The following KNDC1 variants were observed in gnomAD, a reference collection of about 807,000 sequenced individuals.
KNDC1 encodes the protein kinase non-catalytic C-lobe domain containing 1.
Under a neutral mutation model 172.8 loss-of-function variants are expected in KNDC1, and 106 were observed. The observed-to-expected ratio is 0.61, with a 90% CI of 0.52 to 0.72. The LOEUF (loss-of-function observed/expected upper bound fraction) is 0.72. Among genes scored for constraint, KNDC1 ranks in the 30% least tolerant of loss-of-function variants. KNDC1 has a pLI of 0.00. For synonymous variants in KNDC1, 1,083 were observed against 1,062.2 expected, an observed-to-expected ratio of 1.02 and a Z score of -0.38; for missense variants, 2,325 against 2,394.5, an observed-to-expected ratio of 0.97 and a Z score of 0.61.
chr10:133,184,116 A>G (rs566233287), intron 5 of KNDC1, 127 bp downstream of exon 5: 55 of 522,558 alleles, frequency 1.1e-4, no homozygotes, highest in African/African-American at 1.0e-3. Flanking sequence ...CATACTGCAC[A>G]CACACCCATG....
In KNDC1 at chr10:133,186,041, G is replaced by A. The variant is rs1293826469; in HGVS notation, c.693G>A (p.Gly231=). ...PGNAGPRRPP[G]DPSTDPEVLP... Reference sequence around the variant, plus strand: ...ACGCTGGGCCCAGGAGGCCGCCCGGGGACCCCAGCACTGACCCGGAGGTTC... The same window carrying A: ...ACGCTGGGCCCAGGAGGCCGCCCGGAGACCCCAGCACTGACCCGGAGGTTC... Residue 231 remains glycine, a synonymous_variant, in exon 6 of 30, where the codon GGG becomes GGA. Transcript: ENST00000304613. 6.2e-7 allele frequency: 1 copy of A among 1,601,206 alleles called. No homozygotes were observed. The highest frequency in any genetic ancestry group is 8.5e-7 in the Non-Finnish European group (1 of 1,175,304).
Position 133,186,202 on chromosome 10 carries a change from C to A in KNDC1, c.854C>A (p.Ala285Asp). Reference protein sequence around the residue: ...REGLAGLVLDAERTLGELDRD... With the variant: ...REGLAGLVLDDERTLGELDRD... Reference sequence around the variant, plus strand: ...GGGCTGGCCGGCCTCGTCCTGGATGCCGAGCGCACCCTCGGGGAGCTGGAC... The same window carrying A: ...GGGCTGGCCGGCCTCGTCCTGGATGACGAGCGCACCCTCGGGGAGCTGGAC... The change falls in exon 6 of 30, where the codon GCC (alanine) becomes GAC (aspartate). Residue 285 changes from alanine (A) to aspartate (D), a missense_variant. Coordinates refer to ENST00000304613, the MANE Select transcript of KNDC1 (RefSeq NM_152643.8). 6.4e-7 allele frequency: 1 copy of A among 1,570,512 alleles called. No individual in the cohort carries two copies. Among genetic ancestry groups the A allele is most frequent in the Non-Finnish European group, 8.6e-7 (1 of 1,158,664 alleles).
In KNDC1 at chr10:133,224,764, C is replaced by G. The variant is rs1845686940; in HGVS notation, c.5124C>G (p.Arg1708=). The change falls in exon 30 of 30, where the codon CGC becomes CGG. Residue 1708 remains arginine, a synonymous_variant. Coordinates refer to ENST00000304613, the MANE Select transcript of KNDC1 (RefSeq NM_152643.8). The surrounding 1 kb of genome is among the most constrained non-coding windows in gnomAD (Gnocchi z 5.4). The stretch of plus-strand genomic sequence containing the variant: ...CGTACCTCAAGCAGAGGATTGCCCG[C>G]TTCAGCGGTGCCGACATTTCCACAC... ...LQSYLKQRIA[R]FSGADISTLA... The G allele has an allele frequency of 6.2e-7, 1 of 1,614,004 alleles. No homozygotes were observed. Among genetic ancestry groups the G allele is most frequent in the Non-Finnish European group, 8.5e-7 (1 of 1,180,030 alleles).
intron 1 of KNDC1, among the ~76,000 whole-genome samples, chr10:133,164,614 A>G (rs1166514199): frequency 6.6e-6 from 1 of 152,210 alleles, no homozygotes; most frequent in Non-Finnish European, 1.5e-5. Context: ...GCAGCCCCGC[A>G]GCCCGGCTGG....
rs572005686 is a variant in KNDC1, at chr10:133,163,331, G to A, written c.102+2762G>A. Among the ~76,000 whole-genome samples, 71 of 152,262 alleles carry A rather than the reference G, an allele frequency of 4.7e-4. No homozygotes were observed. The highest frequency in any genetic ancestry group is 1.5e-3 in the African/African-American group (64 of 41,550). ...TGCCTCCCAGAACCTCCTGTGTGCCGGTGTCAGGCTGGGCTCAGAATCTGA... is the reference window on the plus strand; with the variant it reads ...TGCCTCCCAGAACCTCCTGTGTGCCAGTGTCAGGCTGGGCTCAGAATCTGA... On this transcript the variant is annotated intron_variant, in intron 1 of 29. Coordinates refer to ENST00000304613, the MANE Select transcript of KNDC1 (RefSeq NM_152643.8). This position sits in a 1 kb window ranked among gnomAD's most constrained non-coding sequence, Gnocchi z 4.4.
At chr10:133,162,735 C>G (rs527623841) in intron 1 of KNDC1, among the ~76,000 whole-genome samples, 1 of 152,368 alleles carries the variant, frequency 6.6e-6, no homozygotes, top group African/African-American at 2.4e-5. Flanking sequence ...CGCAGCAGCT[C>G]TCCCTCGCGC....
At chr10:133,204,842 G>C (rs990768897) in intron 17 of KNDC1, among the ~76,000 whole-genome samples, 1 of 152,084 alleles carries the variant, frequency 6.6e-6, no homozygotes, top group Non-Finnish European at 1.5e-5. Flanking sequence ...CCCTGGGCAC[G>C]TGAACCCCTC....
Position 133,198,390 on chromosome 10 carries a change from C to T in KNDC1, c.1960C>T (p.Pro654Ser). The T allele has an allele frequency of 6.3e-7, 1 of 1,598,008 alleles. No individual in the cohort carries two copies. The highest frequency in any genetic ancestry group is 8.5e-7 in the Non-Finnish European group (1 of 1,173,570). The change falls in exon 13 of 30, where the codon CCC becomes TCC. Residue 654 changes from proline (P) to serine (S), a missense_variant. Physicochemically the swap from Pro to Ser is moderately conservative, Grantham distance 74. Coordinates refer to ENST00000304613, the MANE Select transcript of KNDC1 (RefSeq NM_152643.8). ...TGLVAVPGPV[P>S]GQHPCGEEAT... is the part of the protein sequence containing the mutation. Reference sequence around the variant, plus strand: ...GCTTGTGGCTGTGCCAGGGCCCGTGCCCGGCCAGCACCCCTGCGGTGAAGA... The same window carrying T: ...GCTTGTGGCTGTGCCAGGGCCCGTGTCCGGCCAGCACCCCTGCGGTGAAGA...
rs187160843 is a variant in KNDC1 at position 133,223,271 on chromosome 10, A to G, written c.5019-1388A>G. 1.8e-4 allele frequency among the ~76,000 whole-genome samples: 4 copies of G among 21,786 alleles called. 1 individual carries two copies. Among genetic ancestry groups the G allele is most frequent in the African/African-American group, 1.2e-4 (1 of 8,094 alleles). The allele number at this position is 21,786 out of a possible 152,430, so 14.3% of individuals were successfully genotyped here. A position where few individuals can be genotyped will look rare whatever the true frequency, so the allele number is the denominator to read the frequency against. On this transcript the variant is annotated intron_variant, in intron 29 of 29. Coordinates refer to ENST00000304613, the MANE Select transcript of KNDC1 (RefSeq NM_152643.8). ...CCCATCCAGGCATGCTCTTCTCGGC[A>G]TGTGTGTGTGTGTGTGTGTGAGAGC...
In KNDC1 at chr10:133,198,883, TGCC is replaced by T; in HGVS notation, c.2376_2378del (p.Pro793del). 1.3e-6 allele frequency: 2 copies of T among 1,595,308 alleles called. No individual in the cohort carries two copies. The highest frequency in any genetic ancestry group is 1.7e-6 in the Non-Finnish European group (2 of 1,175,040). On this transcript the variant is annotated inframe_deletion, in exon 14 of 30. Transcript: ENST00000304613. The stretch of plus-strand genomic sequence containing the variant: ...GCCCCGCCCACGAAGGCATCTGCGC[TGCC>T]CGTAGAGCAAGGGCCGGCTGAGCCG...
chr10:133,212,150 C>T (rs1392255327), intron 23 of KNDC1, among the ~76,000 whole-genome samples: 2 of 152,064 alleles, frequency 1.3e-5, no homozygotes, highest in Non-Finnish European at 1.5e-5. Context: ...CTTCACACAG[C>T]CATACATGCA....
intron 26 of KNDC1, among the ~76,000 whole-genome samples, chr10:133,216,011 C>T (rs61147693): frequency 0.015 from 2,268 of 152,380 alleles, 63 homozygotes; most frequent in African/African-American, 0.052. Flanking sequence ...GTCCATCTAA[C>T]AAGTGTTAGA....
At chr10:133,199,342 C>T (rs1589760707) in intron 14 of KNDC1, 76 bp downstream of exon 14, 15 of 1,557,288 alleles carry the variant, frequency 9.6e-6, no homozygotes, top group African/African-American at 2.7e-5. Context: ...GGCCGCCCCA[C>T]GCCCTTCCCC....
chr10:133,226,178 G>A lies in KNDC1; in HGVS notation c.*1288G>A, dbSNP rs1016886607. ...CGATGTAACATGAGAGGAAGTCGGCGTCCTGGCCACGAAATGCAGTTCACT... is the reference window on the plus strand; with the variant it reads ...CGATGTAACATGAGAGGAAGTCGGCATCCTGGCCACGAAATGCAGTTCACT... On this transcript the variant is annotated 3_prime_UTR_variant, in exon 30 of 30. Coordinates refer to ENST00000304613, the MANE Select transcript of KNDC1 (RefSeq NM_152643.8). The A allele has an allele frequency of 3.9e-5, 6 of 152,244 alleles. No individual in the cohort carries two copies. Among genetic ancestry groups the A allele is most frequent in the Admixed American group, 2.0e-4 (3 of 15,292 alleles). 9.4% of individuals were successfully genotyped at this position (152,244 alleles called of 1,614,324 possible). A position where few individuals can be genotyped will look rare whatever the true frequency, so the allele number is the denominator to read the frequency against.
In KNDC1 at chr10:133,201,735, T is replaced by TCGGCCCAGCCTTGTCCCC; in HGVS notation, c.3235_3252dup (p.Leu1079_Ala1084dup). On this transcript the variant is annotated inframe_insertion, in exon 17 of 30. Coordinates refer to ENST00000304613, the MANE Select transcript of KNDC1 (RefSeq NM_152643.8). Reference sequence around the variant, plus strand: ...ACCCGACTGGCCAGGTCCAAAGGGGTCGGCCCAGCCTTGTCCCCCGGCCCA... The same window carrying TCGGCCCAGCCTTGTCCCC: ...ACCCGACTGGCCAGGTCCAAAGGGGTCGGCCCAGCCTTGTCCCCCGGCCCAGCCTTGTCCCCCGGCCCA... The TCGGCCCAGCCTTGTCCCC allele has an allele frequency of 3.1e-6, 5 of 1,600,286 alleles. No individual in the cohort carries two copies. The highest frequency in any genetic ancestry group is 4.3e-6 in the Non-Finnish European group (5 of 1,173,688).
At chr10:133,171,516 C>T (rs1003953071) in intron 3 of KNDC1, among the ~76,000 whole-genome samples, 4 of 152,212 alleles carry the variant, frequency 2.6e-5, no homozygotes, top group African/African-American at 9.6e-5. Context: ...AAGTGATCCT[C>T]TCCCCTTGGC....
At chr10:133,222,087 G>A (rs71503784) in intron 29 of KNDC1, among the ~76,000 whole-genome samples, 1,911 of 132,000 alleles carry the variant, frequency 0.014, 202 homozygotes, top group Non-Finnish European at 0.026. Flanking sequence ...TTCAAGACCA[G>A]CCTGGCCAAC....
chr10:133,212,817 C>G lies in KNDC1; in HGVS notation c.4338C>G (p.Leu1446=). The change falls in exon 24 of 30, where the codon CTC becomes CTG. Residue 1446 remains leucine, a synonymous_variant. Coordinates refer to ENST00000304613, the MANE Select transcript of KNDC1 (RefSeq NM_152643.8). Reference sequence around the variant, plus strand: ...CCGCCCTGCCCAAGCCCTGCTTCCTCGAGGACTTCTACGGCCCCTGCGCCA... The same window carrying G: ...CCGCCCTGCCCAAGCCCTGCTTCCTGGAGGACTTCTACGGCCCCTGCGCCA... The part of the protein sequence containing the change: ...IAAALPKPCF[L]EDFYGPCAKT... The G allele has an allele frequency of 3.7e-6, 6 of 1,614,012 alleles. No homozygotes were observed. Among genetic ancestry groups the G allele is most frequent in the Non-Finnish European group, 5.1e-6 (6 of 1,179,966 alleles).
intron 29 of KNDC1, among the ~76,000 whole-genome samples, chr10:133,222,156 G>A (rs1424806412): frequency 6.7e-5 from 10 of 149,890 alleles, no homozygotes; most frequent in Admixed American, 1.3e-4. Context: ...GGTGGCGGGC[G>A]CCTGTAGTCC....
Sources: allele counts gnomAD v4.1 joint callset (sites outside exome capture counted in the v4.1 genomes callset), GRCh38; gene constraint gnomAD v4.1.1; non-coding constraint Gnocchi (gnomAD v3.1); transcripts MANE v1.5; gene names NCBI Gene and HGNC (gene_info 2026-07-23, HGNC 2026-07-21).